SORCS3: variants seen among roughly 807,000 people sequenced by gnomAD.
SORCS3 encodes the protein sortilin related VPS10 domain containing receptor 3, also known as VPS10 domain-containing receptor SorCS3.
SORCS3 carries 57 observed loss-of-function variants against 146.3 expected under a neutral mutation model. The ratio of observed to expected loss-of-function variants is 0.39; its 90% CI spans 0.31 to 0.49. SORCS3 has a LOEUF of 0.49. Ranked by LOEUF, SORCS3 falls within the 20% of genes least tolerant of loss-of-function variation. SORCS3 has a pLI of 0.92. For synonymous variants in SORCS3, 653 were observed against 618.5 expected (o/e 1.06, Z -0.83); for missense variants, 1,341 against 1,575.5 (o/e 0.85, Z 2.52).
chr10:105,242,167 C>T (rs1247669568), intron 20 of SORCS3, among the ~76,000 whole-genome samples: 1 of 150,148 alleles, frequency 6.7e-6, no homozygotes, highest in Non-Finnish European at 1.5e-5. Flanking sequence ...ATCATTCTAC[C>T]ATTTTACATT....
At chr10:104,735,472 T>TTTTTTTTTTTTTTTTTTTTC (rs1589478365) in intron 1 of SORCS3, among the ~76,000 whole-genome samples, 1 of 142,306 alleles carries the variant, frequency 7.0e-6, no homozygotes, top group Non-Finnish European at 1.5e-5. Flanking sequence ...TTTTTTTTTT[T>TTTTTTTTTTTTTTTTTTTTC]TTTTTAATCA....
chr10:105,175,214 ATTT>A (rs71482448), intron 13 of SORCS3, among the ~76,000 whole-genome samples: 7 of 134,626 alleles, frequency 5.2e-5, no homozygotes, highest in Non-Finnish European at 6.4e-5. Context: ...TGCTTGGCTA[ATTT>A]TTTTTTTTTT....
chr10:104,941,061 T>A (rs545649911), intron 3 of SORCS3, among the ~76,000 whole-genome samples: 4 of 152,192 alleles, frequency 2.6e-5, no homozygotes, highest in Non-Finnish European at 5.9e-5. Context: ...ATGGCACTGG[T>A]GAGAATGTCT....
intron 1 of SORCS3, among the ~76,000 whole-genome samples, chr10:104,671,352 T>TTG (rs2015851675): frequency 8.7e-6 from 1 of 114,946 alleles, no homozygotes; most frequent in Non-Finnish European, 1.8e-5. Context: ...TTTTTTTTTT[T>TTG]GCGACAGAGT....
At chr10:105,036,201 T>C (rs2055305112) in intron 4 of SORCS3, among the ~76,000 whole-genome samples, 1 of 141,654 alleles carries the variant, frequency 7.1e-6, no homozygotes, top group African/African-American at 3.2e-5. Flanking sequence ...GGGAAGGACA[T>C]ATCCTTCAGG....
At chr10:105,014,185 G>A (rs1033183339) in intron 4 of SORCS3, among the ~76,000 whole-genome samples, 4 of 150,484 alleles carry the variant, frequency 2.7e-5, no homozygotes, top group Non-Finnish European at 5.9e-5. Flanking sequence ...TTATTGAGTA[G>A]GCTATTTAAT....
intron 7 of SORCS3, among the ~76,000 whole-genome samples, chr10:105,113,121 A>G (rs899816592): frequency 6.6e-6 from 1 of 152,090 alleles, no homozygotes; most frequent in African/African-American, 2.4e-5. Flanking sequence ...GTTTCCTAAT[A>G]CTCCTTCGTT....
intron 2 of SORCS3, among the ~76,000 whole-genome samples, chr10:104,907,470 T>C (rs189543220): frequency 6.6e-6 from 1 of 152,290 alleles, no homozygotes; most frequent in East Asian, 1.9e-4. Context: ...GATCTGAATA[T>C]TGGCCCAACC....
intron 2 of SORCS3, among the ~76,000 whole-genome samples, chr10:104,902,378 G>A (rs1371458450): frequency 6.6e-6 from 1 of 152,226 alleles, no homozygotes; most frequent in Non-Finnish European, 1.5e-5. Flanking sequence ...GACTCTGAGA[G>A]GTCATGGACT....
intron 6 of SORCS3, among the ~76,000 whole-genome samples, chr10:105,102,501 G>A (rs2055791971): frequency 6.6e-6 from 1 of 152,112 alleles, no homozygotes; most frequent in African/African-American, 2.4e-5. Flanking sequence ...ACACAAAAAA[G>A]GGAGCAACAG....
chr10:104,714,208 G>A (rs1160959181), intron 1 of SORCS3, among the ~76,000 whole-genome samples: 1 of 151,984 alleles, frequency 6.6e-6, no homozygotes, highest in African/African-American at 2.4e-5. Context: ...CCAGCATTAG[G>A]TTTAATTAAT....
At chr10:104,670,886 T>C (rs993414984) in intron 1 of SORCS3, among the ~76,000 whole-genome samples, 2 of 152,146 alleles carry the variant, frequency 1.3e-5, no homozygotes, top group Non-Finnish European at 2.9e-5. Context: ...CTCTTTTCTG[T>C]CCTTTGATAA....
At position 104,641,829 on chromosome 10, in the gene SORCS3, G is replaced by T; in HGVS notation, c.502G>T (p.Val168Leu). Reference protein sequence around the residue: ...RPLAKGSREEVKAPRAGGSAA... With the variant: ...RPLAKGSREELKAPRAGGSAA... Reference sequence around the variant, plus strand: ...CCTTGCTAAGGGTTCCCGGGAGGAGGTGAAGGCGCCGCGGGCTGGGGGGTC... The same window carrying T: ...CCTTGCTAAGGGTTCCCGGGAGGAGTTGAAGGCGCCGCGGGCTGGGGGGTC... The change falls in exon 1 of 27, where the codon GTG (valine) becomes TTG (leucine). Residue 168 changes from valine (V) to leucine (L), a missense_variant. Coordinates refer to ENST00000369701, the MANE Select transcript of SORCS3 (RefSeq NM_014978.3). The surrounding 1 kb of genome is among the most constrained non-coding windows in gnomAD (Gnocchi z 6.4). 1.9e-6 allele frequency: 3 copies of T among 1,559,770 alleles called. No homozygotes were observed. The highest frequency in any genetic ancestry group is 1.7e-6 in the Non-Finnish European group (2 of 1,154,242).
At chr10:104,862,606 C>T (rs2018416957) in intron 2 of SORCS3, among the ~76,000 whole-genome samples, 1 of 151,682 alleles carries the variant, frequency 6.6e-6, no homozygotes, top group African/African-American at 2.4e-5. Flanking sequence ...CTGTTGGGGA[C>T]TTGTTTTATC....
chr10:105,140,411 T>C (rs2056087035), intron 8 of SORCS3, among the ~76,000 whole-genome samples: 2 of 152,152 alleles, frequency 1.3e-5, no homozygotes. Context: ...CTAAACTCTA[T>C]GAGTAGAGTA....
chr10:105,062,703 T>C (rs1280533932), intron 5 of SORCS3, among the ~76,000 whole-genome samples: 2 of 152,194 alleles, frequency 1.3e-5, no homozygotes, highest in East Asian at 1.9e-4. Flanking sequence ...AGCCCCATTA[T>C]AAAAAGAACA....
chr10:104,776,327 T>C (rs1197963550), intron 1 of SORCS3, among the ~76,000 whole-genome samples: 3 of 151,864 alleles, frequency 2.0e-5, no homozygotes, highest in African/African-American at 7.3e-5. Flanking sequence ...CTCCCCAAGG[T>C]TGGGGAATTC....
At chr10:104,685,823 C>G (rs1319581159) in intron 1 of SORCS3, among the ~76,000 whole-genome samples, 2 of 152,200 alleles carry the variant, frequency 1.3e-5, no homozygotes, top group African/African-American at 4.8e-5. Context: ...CATTGGTTCC[C>G]TCTTCCCTTT....
intron 19 of SORCS3, among the ~76,000 whole-genome samples, chr10:105,219,907 A>G (rs2056689444): frequency 6.6e-6 from 1 of 152,190 alleles, no homozygotes; most frequent in African/African-American, 2.4e-5. Flanking sequence ...TGCATGAGGG[A>G]GGAAATGTTC....
Sources: gnomAD v4.1 joint callset for allele counts (sites outside exome capture counted in the v4.1 genomes callset) on GRCh38, gnomAD v4.1.1 for gene constraint, Gnocchi (gnomAD v3.1) non-coding constraint, MANE v1.5 for transcripts, NCBI Gene and HGNC (gene_info 2026-07-23, HGNC 2026-07-21) for gene names.